The following CPED1 variants were observed in gnomAD, a reference collection of about 807,000 sequenced individuals.
The protein encoded by CPED1 is cadherin like and PC-esterase domain containing 1.
CPED1 carries 114 observed loss-of-function variants against 128.2 expected under a neutral mutation model. The observed-to-expected ratio is 0.89, with a 90% CI of 0.76 to 1.04. The LOEUF is 1.04. Among genes scored for constraint, CPED1 ranks in the 50% least tolerant of loss-of-function variants. The probability of loss-of-function intolerance (pLI) is 0.00; values close to 1 mark genes in which losing one functional copy is unlikely to be tolerated. For synonymous variants in CPED1, 462 were observed against 426.7 expected (o/e 1.08, Z -1.02); for missense variants, 1,211 against 1,207.1 (o/e 1.00, Z -0.05).
chr7:121,168,413 T>C (rs1463180530), intron 16 of CPED1, among the ~76,000 whole-genome samples: 2 of 152,350 alleles, frequency 1.3e-5, no homozygotes, highest in South Asian at 2.1e-4. Context: ...TAATTTTATT[T>C]ACTAAAACAT....
At chr7:121,183,190 G>A (rs1286102338) in intron 16 of CPED1, among the ~76,000 whole-genome samples, 2 of 152,078 alleles carry the variant, frequency 1.3e-5, no homozygotes, top group East Asian at 3.9e-4. Flanking sequence ...AACCCAATGG[G>A]CTTTATCCCT....
chr7:121,142,091 C>A lies in CPED1; in HGVS notation c.2005C>A (p.Arg669Ser), dbSNP rs755865688. The A allele has an allele frequency of 6.2e-7, 1 of 1,612,312 alleles. No homozygotes were observed. Among genetic ancestry groups the A allele is most frequent in the Non-Finnish European group, 8.5e-7 (1 of 1,178,792 alleles). Residue 669 changes from arginine to serine, a missense_variant, in exon 16 of 23, where the codon CGC becomes AGC. Transcript: ENST00000310396. ...TYKLTIYRED[R>S]PSLPLFEAFT... ...CAAACTCACCATCTATAGAGAAGAC[C>A]GCCCAAGTCTGCCCTTGTTTGAGGC...
At chr7:121,194,022 C>CTATATA (rs1231718616) in intron 16 of CPED1, among the ~76,000 whole-genome samples, 12 of 74,746 alleles carry the variant, frequency 1.6e-4, no homozygotes, top group Non-Finnish European at 2.2e-4. Flanking sequence ...CTCTCTCTCT[C>CTATATA]TATATATATA....
At chr7:121,236,582 G>A in intron 16 of CPED1, 132 bp from the exon 17 acceptor site, 1 of 482,768 alleles carries the variant, frequency 2.1e-6, no homozygotes, top group Non-Finnish European at 3.7e-6. Flanking sequence ...AAGCTAGCAG[G>A]GGAAAGATAA....
At chr7:120,998,400 G>A (rs1434468431) in intron 2 of CPED1, among the ~76,000 whole-genome samples, 1 of 152,072 alleles carries the variant, frequency 6.6e-6, no homozygotes, top group African/African-American at 2.4e-5. Context: ...CCTGAATATG[G>A]ATATATTATC....
chr7:121,035,093 C>T (rs1249320249), intron 3 of CPED1, among the ~76,000 whole-genome samples: 1 of 151,982 alleles, frequency 6.6e-6, no homozygotes, highest in East Asian at 1.9e-4. Flanking sequence ...CTTGGAGTTT[C>T]AGGGACCAAA....
rs1174392572 is a variant in CPED1 at position 121,252,159 on chromosome 7, G to A, written c.2310+7821G>A. On this transcript the variant is annotated intron_variant, in intron 18 of 22. Transcript: ENST00000310396. ...GAACAGAGCCCTCAGAAATAACGCC[G>A]CATATCTACAACTATCTGATCTTTG... Among the ~76,000 whole-genome samples, 8 of 150,828 alleles carry A rather than the reference G, an allele frequency of 5.3e-5. 1 individual carries two copies. The South Asian group carries it at 1.5e-3, about 28-fold the overall frequency.
chr7:121,015,324 T>G (rs1792272189), intron 2 of CPED1, among the ~76,000 whole-genome samples: 5 of 152,246 alleles, frequency 3.3e-5, no homozygotes, highest in South Asian at 2.1e-4. Flanking sequence ...TTAGAACTAC[T>G]TTATAAAAGC....
Position 120,989,810 on chromosome 7 carries a change from A to T in CPED1, c.189A>T (p.Lys63Asn), listed in dbSNP as rs568195113. 6.2e-7 allele frequency: 1 copy of T among 1,614,144 alleles called. No homozygotes were observed. Among genetic ancestry groups the T allele is most frequent in the South Asian group, 1.1e-5 (1 of 91,080 alleles). The change falls in exon 2 of 23, where the codon AAA becomes AAT. Residue 63 changes from lysine (K) to asparagine (N), a missense_variant. Coordinates refer to ENST00000310396, the MANE Select transcript of CPED1 (RefSeq NM_024913.5). ...AAACCCAGGCAAGCAGATGCAAGAA[A>T]GGATTCTCTCAGGACAAACAGTGCT... The part of the protein sequence containing the change: ...STETQASRCK[K>N]GFSQDKQCFL...
At chr7:121,211,546 A>G (rs1797640654) in intron 16 of CPED1, among the ~76,000 whole-genome samples, 1 of 152,196 alleles carries the variant, frequency 6.6e-6, no homozygotes, top group South Asian at 2.1e-4. Flanking sequence ...CCAGGCAAGC[A>G]TATCTGATTG....
chr7:121,194,016 CTCTCTCTATATA>C (rs1237279180), intron 16 of CPED1, among the ~76,000 whole-genome samples: 4 of 70,842 alleles, frequency 5.6e-5, no homozygotes, highest in Non-Finnish European at 1.2e-4. Context: ...CTCTCTCTCT[CTCTCTCTATATA>C]TATATATATA....
chr7:121,010,121 A>G (rs533095230), intron 2 of CPED1, among the ~76,000 whole-genome samples: 1 of 152,338 alleles, frequency 6.6e-6, no homozygotes, highest in African/African-American at 2.4e-5. Flanking sequence ...AACAAATAAT[A>G]TATAGTTATA....
At chr7:121,133,988 A>C in intron 13 of CPED1, 95 bp downstream of exon 13, 1 of 679,978 alleles carries the variant, frequency 1.5e-6, no homozygotes, top group Non-Finnish European at 2.5e-6. Flanking sequence ...GCAATCAAAA[A>C]TGAAAATTAA....
chr7:121,134,794 C>T (rs887306624), intron 13 of CPED1, among the ~76,000 whole-genome samples: 9 of 151,644 alleles, frequency 5.9e-5, no homozygotes, highest in African/African-American at 1.9e-4. Flanking sequence ...TGCTGGTGGA[C>T]GTATAAATTA....
intron 2 of CPED1, among the ~76,000 whole-genome samples, chr7:121,011,198 T>C (rs1169625019): frequency 6.6e-6 from 1 of 152,030 alleles, no homozygotes; most frequent in Non-Finnish European, 1.5e-5. Flanking sequence ...AAAAAAATCT[T>C]TCTGCTATGT....
At chr7:121,213,254 T>TATAG (rs1045057774) in intron 16 of CPED1, among the ~76,000 whole-genome samples, 2 of 152,048 alleles carry the variant, frequency 1.3e-5, no homozygotes, top group African/African-American at 4.8e-5. Flanking sequence ...AAACCCTATT[T>TATAG]GTTCCATTTA....
intron 2 of CPED1, among the ~76,000 whole-genome samples, chr7:120,994,493 G>A (rs1164842664): frequency 6.6e-6 from 1 of 152,150 alleles, no homozygotes; most frequent in African/African-American, 2.4e-5. Context: ...ACTACTTTTT[G>A]AATGTTGAGA....
Position 121,266,256 on chromosome 7 carries a change from A to G in CPED1, c.2340A>G (p.Arg780=). 1.2e-6 allele frequency: 2 copies of G among 1,612,852 alleles called. No homozygotes were observed. Among genetic ancestry groups the G allele is most frequent in the South Asian group, 2.2e-5 (2 of 91,062 alleles). ...KILFIGDSTN[R]GIMYYLIERL... ...TGTTCATTGGAGATTCAACCAACAG[A>G]GGGATCATGTACTATCTTATTGAAA... is the stretch of plus-strand genomic sequence containing the variant. Residue 780 remains arginine, a synonymous_variant, in exon 19 of 23, where the codon AGA becomes AGG. Coordinates refer to ENST00000310396, the MANE Select transcript of CPED1 (RefSeq NM_024913.5).
At chr7:121,283,345 T>C (rs1792498681) in intron 22 of CPED1, among the ~76,000 whole-genome samples, 2 of 152,220 alleles carry the variant, frequency 1.3e-5, no homozygotes, top group African/African-American at 2.4e-5. Flanking sequence ...GTACTCAGCT[T>C]TTAATTTATA....
Sources: allele counts gnomAD v4.1 joint callset (sites outside exome capture counted in the v4.1 genomes callset), GRCh38; gene constraint gnomAD v4.1.1; transcripts MANE v1.5; gene names NCBI Gene and HGNC (gene_info 2026-07-23, HGNC 2026-07-21).